GGACT: variants seen among roughly 807,000 people sequenced by gnomAD.
The protein encoded by GGACT is gamma-glutamylaminecyclotransferase.
For missense variants in GGACT, 241 were observed against 233.2 expected, an observed-to-expected ratio of 1.03 and a Z score of -0.22; for synonymous variants, 118 against 115.3, an observed-to-expected ratio of 1.02 and a Z score of -0.15.
chr13:100,576,053 CTTAA>C (rs1490567181), intron 2 of GGACT, among the ~76,000 whole-genome samples: 1 of 152,172 alleles, frequency 6.6e-6, no homozygotes, highest in African/African-American at 2.4e-5. Flanking sequence ...AATATAATCT[CTTAA>C]TTAGTGAGAT....
intron 2 of GGACT, among the ~76,000 whole-genome samples, chr13:100,577,109 C>T (rs1875269318): frequency 3.3e-5 from 5 of 152,130 alleles, no homozygotes; most frequent in Admixed American, 3.3e-4. Flanking sequence ...AATAAACCAA[C>T]TGTACAGACC....
At chr13:100,566,777 C>T (rs938074006) in intron 2 of GGACT, among the ~76,000 whole-genome samples, 1 of 152,228 alleles carries the variant, frequency 6.6e-6, no homozygotes, top group Non-Finnish European at 1.5e-5. Context: ...CAACCTGTGA[C>T]ATCAGGGCAT....
chr13:100,565,705 G>A (rs1256526259), intron 2 of GGACT, among the ~76,000 whole-genome samples: 1 of 152,082 alleles, frequency 6.6e-6, no homozygotes, highest in Non-Finnish European at 1.5e-5. Context: ...CCCCCTCAGA[G>A]CTAGAGTGAT....
intron 2 of GGACT, among the ~76,000 whole-genome samples, chr13:100,583,121 A>C (rs1875466212): frequency 6.6e-6 from 1 of 152,226 alleles, no homozygotes; most frequent in Non-Finnish European, 1.5e-5. Context: ...CTTAATGCCA[A>C]CATTAGTTTG....
In GGACT at chr13:100,534,817, T is replaced by TC. The variant is rs2088468479; in HGVS notation, c.-10-2217dup. On this transcript the variant is annotated intron_variant, in intron 2 of 2. Coordinates refer to ENST00000683975, the MANE Select transcript of GGACT (RefSeq NM_001195087.2). The surrounding 1 kb of genome is among the most constrained non-coding windows in gnomAD (Gnocchi z 4.9). ...TGCCCCCAGTGCACCACCCAGAGGG[T>TC]CCTTGTCAATCTCCTGCTGCAGACT... 6.6e-6 allele frequency among the ~76,000 whole-genome samples: 1 copy of TC among 151,790 alleles called. No individual in the cohort carries two copies. The highest frequency in any genetic ancestry group is 2.1e-4 in the South Asian group (1 of 4,794).
chr13:100,578,373 C>T (rs950446521), intron 2 of GGACT, among the ~76,000 whole-genome samples: 5 of 152,244 alleles, frequency 3.3e-5, no homozygotes, highest in African/African-American at 4.8e-5. Flanking sequence ...GTCGCATTTG[C>T]GTAAGATATC....
chr13:100,582,046 ATAT>A (rs1477645762), intron 2 of GGACT, among the ~76,000 whole-genome samples: 1 of 152,204 alleles, frequency 6.6e-6, no homozygotes, highest in Non-Finnish European at 1.5e-5. Flanking sequence ...CGCTCATGAA[ATAT>A]TTTATCTTGA....
At chr13:100,560,206 C>A (rs556363426) in intron 2 of GGACT, among the ~76,000 whole-genome samples, 52 of 152,068 alleles carry the variant, frequency 3.4e-4, no homozygotes, top group Non-Finnish European at 5.3e-4. Flanking sequence ...TATCAAGATT[C>A]GTTGACCCTT....
chr13:100,560,068 C>T (rs1345942634), intron 2 of GGACT, among the ~76,000 whole-genome samples: 1 of 151,910 alleles, frequency 6.6e-6, no homozygotes, highest in Non-Finnish European at 1.5e-5. Flanking sequence ...GCCATGGGGG[C>T]AGAGCAGAGG....
At chr13:100,559,069 C>T (rs906627337) in intron 2 of GGACT, among the ~76,000 whole-genome samples, 2 of 152,132 alleles carry the variant, frequency 1.3e-5, no homozygotes, top group African/African-American at 4.8e-5. Context: ...GTGTTCTAAA[C>T]CCACCACGGT....
rs539596683 is a variant in GGACT, at chr13:100,545,288, C to T, written c.-10-12687G>A. On this transcript the variant is annotated intron_variant, in intron 2 of 2. Coordinates refer to ENST00000683975, the MANE Select transcript of GGACT (RefSeq NM_001195087.2). This position sits in a 1 kb window ranked among gnomAD's most constrained non-coding sequence, Gnocchi z 4.4. ...CAAACCACATGGTGAGGCCGCTTCACTCCCAGCTTCTCCCCCCTTTTGCAG... is the reference window on the plus strand; with the variant it reads ...CAAACCACATGGTGAGGCCGCTTCATTCCCAGCTTCTCCCCCCTTTTGCAG... 6.6e-6 allele frequency among the ~76,000 whole-genome samples: 1 copy of T among 152,384 alleles called. No homozygotes were observed. Among genetic ancestry groups the T allele is most frequent in the Admixed American group, 6.5e-5 (1 of 15,310 alleles).
intron 2 of GGACT, among the ~76,000 whole-genome samples, chr13:100,574,428 T>C (rs1248909508): frequency 1.3e-5 from 2 of 151,978 alleles, no homozygotes; most frequent in African/African-American, 4.8e-5. Context: ...ATACAAAAAT[T>C]AGCTGGGTGT....
chr13:100,555,975 G>A (rs2153014694), intron 2 of GGACT, among the ~76,000 whole-genome samples: 1 of 152,212 alleles, frequency 6.6e-6, no homozygotes, highest in East Asian at 1.9e-4. Flanking sequence ...AAATCAAAGA[G>A]GACATCCTCG....
At chr13:100,587,948 C>T (rs753614594) in intron 1 of GGACT, among the ~76,000 whole-genome samples, 1 of 152,186 alleles carries the variant, frequency 6.6e-6, no homozygotes, top group African/African-American at 2.4e-5. Flanking sequence ...ATCGCTTGAA[C>T]CCGGAAGGCA....
At position 100,534,810 on chromosome 13, in the gene GGACT, C is replaced by T. The variant is rs369441493; in HGVS notation, c.-10-2209G>A. 6.6e-6 allele frequency among the ~76,000 whole-genome samples: 1 copy of T among 152,116 alleles called. No individual in the cohort carries two copies. Among genetic ancestry groups the T allele is most frequent in the East Asian group, 1.9e-4 (1 of 5,176 alleles). On this transcript the variant is annotated intron_variant, in intron 2 of 2. Coordinates refer to ENST00000683975, the MANE Select transcript of GGACT (RefSeq NM_001195087.2). The surrounding 1 kb of genome is among the most constrained non-coding windows in gnomAD (Gnocchi z 4.9). ...TGGATCCTGCCCCCAGTGCACCACCCAGAGGGTCCTTGTCAATCTCCTGCT... is the reference window on the plus strand; with the variant it reads ...TGGATCCTGCCCCCAGTGCACCACCTAGAGGGTCCTTGTCAATCTCCTGCT...
chr13:100,576,529 CTG>C (rs1408670354), intron 2 of GGACT, among the ~76,000 whole-genome samples: 1 of 152,182 alleles, frequency 6.6e-6, no homozygotes, highest in African/African-American at 2.4e-5. Flanking sequence ...TCACCAAAAA[CTG>C]TAAATAATCC....
At chr13:100,559,226 T>C (rs1174345071) in intron 2 of GGACT, among the ~76,000 whole-genome samples, 1 of 152,180 alleles carries the variant, frequency 6.6e-6, no homozygotes, top group East Asian at 1.9e-4. Flanking sequence ...TCTCATCTGT[T>C]GCCCAGGCTG....
chr13:100,532,443 A>G lies in GGACT; in HGVS notation c.149T>C (p.Ile50Thr). ...YPLVIAGEHN[I>T]PWLLHLPGSG... The stretch of plus-strand genomic sequence containing the variant: ...GCCGGGCAGGTGCAGCAGCCACGGG[A>G]TGTTGTGCTCCCCCGCGATCACCAA... Residue 50 changes from isoleucine (I) to threonine (T), a missense_variant, in exon 3 of 3, where the codon ATC (isoleucine) becomes ACC (threonine). Ile to Thr is a moderately conservative substitution (Grantham distance 89, BLOSUM62 -1). Transcript: ENST00000683975. 6.5e-7 allele frequency: 1 copy of G among 1,549,822 alleles called. No individual in the cohort carries two copies. Among genetic ancestry groups the G allele is most frequent in the Non-Finnish European group, 8.7e-7 (1 of 1,146,588 alleles).
At chr13:100,572,276 A>G (rs548471066) in intron 2 of GGACT, among the ~76,000 whole-genome samples, 69 of 152,366 alleles carry the variant, frequency 4.5e-4, no homozygotes, top group Non-Finnish European at 9.1e-4. Context: ...ACACTATGCG[A>G]AGCAAAATAA....
Sources: allele counts gnomAD v4.1 joint callset (sites outside exome capture counted in the v4.1 genomes callset), GRCh38; gene constraint gnomAD v4.1.1; non-coding constraint Gnocchi (gnomAD v3.1); transcripts MANE v1.5; gene names NCBI Gene and HGNC (gene_info 2026-07-23, HGNC 2026-07-21).